Variants in STX12 observed in about 807,000 individuals in gnomAD.
STX12 encodes syntaxin 12.
A neutral mutation model predicts 42.2 loss-of-function variants in STX12; 17 were observed. That is an observed-to-expected ratio of 0.40 (90% CI 0.28 to 0.60). STX12 has a LOEUF of 0.60. Ranked by LOEUF, STX12 falls within the 20% of genes least tolerant of loss-of-function variation. The pLI, the probability that STX12 is intolerant of heterozygous loss-of-function variation, is 0.39. For synonymous variants in STX12, 108 were observed against 116.7 expected (o/e 0.93, Z 0.48); for missense variants, 297 against 330.9 (o/e 0.90, Z 0.79).
chr1:27,780,369 G>A (rs2088660421), intron 1 of STX12, among the ~76,000 whole-genome samples: 1 of 151,004 alleles, frequency 6.6e-6, no homozygotes, highest in Non-Finnish European at 1.5e-5. Flanking sequence ...CCACATGCCC[G>A]ACTAATTTTT....
At chr1:27,781,673 G>A (rs946168879) in intron 1 of STX12, among the ~76,000 whole-genome samples, 5 of 151,952 alleles carry the variant, frequency 3.3e-5, no homozygotes, top group Non-Finnish European at 5.9e-5. Flanking sequence ...AGTTTAGCAC[G>A]CACTTATATT....
At chr1:27,813,695 A>G (rs1355021688) in intron 6 of STX12, among the ~76,000 whole-genome samples, 1 of 152,070 alleles carries the variant, frequency 6.6e-6, no homozygotes, top group East Asian at 1.9e-4. Context: ...TAATTACCTG[A>G]TGGGATAATG....
intron 2 of STX12, 22 bp from the exon 3 acceptor site, chr1:27,793,511 A>C: frequency 6.2e-7 from 1 of 1,605,396 alleles, no homozygotes; most frequent in Non-Finnish European, 8.5e-7. Context: ...CAACATCCTG[A>C]AACATATCTT....
chr1:27,812,350 T>A (rs1334922727), intron 6 of STX12, 82 bp downstream of exon 6: 1 of 1,053,226 alleles, frequency 9.5e-7, no homozygotes, highest in African/African-American at 1.6e-5. Flanking sequence ...ATTCTCTTAG[T>A]GATTATGAAA....
chr1:27,781,113 A>G (rs7546926), intron 1 of STX12, among the ~76,000 whole-genome samples: 18,673 of 152,024 alleles, frequency 0.12, 3,842 homozygotes, highest in African/African-American at 0.42. Flanking sequence ...GCGCAATCTC[A>G]GCTCACTGCA....
At chr1:27,808,759 A>T (rs1445354937) in intron 4 of STX12, among the ~76,000 whole-genome samples, 1 of 152,190 alleles carries the variant, frequency 6.6e-6, no homozygotes, top group African/African-American at 2.4e-5. Context: ...AAACAGTAAC[A>T]CCTGAAAGAT....
chr1:27,805,945 A>G (rs532874027), intron 4 of STX12, among the ~76,000 whole-genome samples: 1 of 152,352 alleles, frequency 6.6e-6, no homozygotes, highest in East Asian at 1.9e-4. Flanking sequence ...TTACATTAAC[A>G]TCTGTTGGTC....
At chr1:27,818,209 G>A (rs573302707) in intron 7 of STX12, 17 of 269,812 alleles carry the variant, frequency 6.3e-5, no homozygotes, top group Non-Finnish European at 9.9e-5. Flanking sequence ...GGTGAAACCC[G>A]TCTCTACTAA....
At position 27,822,292 on chromosome 1, in the gene STX12, T is replaced by C. The variant is rs2088990046; in HGVS notation, c.794T>C (p.Leu265Ser). The C allele has an allele frequency of 2.5e-6, 4 of 1,613,712 alleles. No individual in the cohort carries two copies. The East Asian group carries it at 8.9e-5, about 36-fold the overall frequency. Reference sequence around the variant, plus strand: ...GTCCTGTCAGTGATTATTCTAATCTTGGGACTTATTATCTGGCTAGTTTAT... The same window carrying C: ...GTCCTGTCAGTGATTATTCTAATCTCGGGACTTATTATCTGGCTAGTTTAT... The part of the protein sequence containing the change: ...VLVLSVIILI[L>S]GLIIWLVYKT... The change falls in exon 9 of 9, where the codon TTG becomes TCG. Residue 265 changes from leucine to serine, a missense_variant. Leu to Ser is a moderately radical substitution (Grantham distance 145). Transcript: ENST00000373943.
Position 27,812,201 on chromosome 1 carries a change from A to C in STX12, c.509A>C (p.Glu170Ala). The change falls in exon 6 of 9, where the codon GAG becomes GCG. Residue 170 changes from glutamate to alanine, a missense_variant. Physicochemically the swap from Glu to Ala is moderately radical, Grantham distance 107. Coordinates refer to ENST00000373943, the MANE Select transcript of STX12 (RefSeq NM_177424.3). ...AACCAGATGCAGAGCCAGGAGGATG[A>C]GGTGGCCATCACTGAGCAGGATTTG... ...EWNQMQSQED[E>A]VAITEQDLEL... is the part of the protein sequence containing the mutation. 1.3e-6 allele frequency: 2 copies of C among 1,560,992 alleles called. No homozygotes were observed. Among genetic ancestry groups the C allele is most frequent in the Non-Finnish European group, 1.7e-6 (2 of 1,151,660 alleles).
At chr1:27,802,773 T>C (rs2088835636) in intron 4 of STX12, among the ~76,000 whole-genome samples, 1 of 152,168 alleles carries the variant, frequency 6.6e-6, no homozygotes, top group Non-Finnish European at 1.5e-5. Flanking sequence ...AACAAATTAC[T>C]CTGAACAAGA....
chr1:27,780,584 A>T (rs2088661556), intron 1 of STX12, among the ~76,000 whole-genome samples: 2 of 152,062 alleles, frequency 1.3e-5, no homozygotes, highest in Non-Finnish European at 2.9e-5. Flanking sequence ...CTCCCCTTCC[A>T]TGTATTAACC....
intron 8 of STX12, among the ~76,000 whole-genome samples, chr1:27,822,018 A>G (rs777751986): frequency 2.0e-5 from 3 of 151,962 alleles, no homozygotes; most frequent in Non-Finnish European, 2.9e-5. Context: ...ACTCTGTCTC[A>G]AGAAAAAAAA....
At chr1:27,818,927 A>G (rs1179280045) in intron 7 of STX12, among the ~76,000 whole-genome samples, 1 of 145,646 alleles carries the variant, frequency 6.9e-6, no homozygotes, top group African/African-American at 2.8e-5. Context: ...ACGCCTGGCC[A>G]GTAACTCTTT....
chr1:27,792,838 G>A (rs2088758366), intron 2 of STX12, among the ~76,000 whole-genome samples: 1 of 152,134 alleles, frequency 6.6e-6, no homozygotes, highest in Non-Finnish European at 1.5e-5. Context: ...CAAATGAAAA[G>A]AGTACTTTTT....
intron 6 of STX12, among the ~76,000 whole-genome samples, chr1:27,814,194 C>T (rs1461572631): frequency 1.3e-5 from 2 of 152,168 alleles, no homozygotes; most frequent in African/African-American, 2.4e-5. Flanking sequence ...CATATCTTTA[C>T]TCTTTTTCAC....
chr1:27,787,722 A>G (rs2088709136), intron 1 of STX12, among the ~76,000 whole-genome samples: 1 of 152,096 alleles, frequency 6.6e-6, no homozygotes, highest in South Asian at 2.1e-4. Context: ...CTGGTACTCA[A>G]TACATTTTAG....
chr1:27,809,623 A>AT (rs1455552557), intron 4 of STX12, among the ~76,000 whole-genome samples: 3 of 151,402 alleles, frequency 2.0e-5, no homozygotes, highest in South Asian at 2.1e-4. Flanking sequence ...CGTCCAGCTA[A>AT]TTTTTTTTGT....
At chr1:27,792,216 A>ATATATGTATATACATATATATGTATC (rs2088750702) in intron 2 of STX12, among the ~76,000 whole-genome samples, 1 of 125,724 alleles carries the variant, frequency 8.0e-6, no homozygotes, top group Non-Finnish European at 1.7e-5. Flanking sequence ...ATATGTATCT[A>ATATATGTATATACATATATATGTATC]TATATATGTA....
Sources: gnomAD v4.1 joint callset for allele counts (sites outside exome capture counted in the v4.1 genomes callset) on GRCh38, gnomAD v4.1.1 for gene constraint, MANE v1.5 for transcripts, NCBI Gene and HGNC (gene_info 2026-07-23, HGNC 2026-07-21) for gene names.